Variants in CMTM7 observed in about 807,000 individuals in gnomAD.
CMTM7 encodes CKLF like MARVEL transmembrane domain containing 7, also known as CKLF-like MARVEL transmembrane domain-containing protein 7.
Under a neutral mutation model 19.3 loss-of-function variants are expected in CMTM7, and 7 were observed. The observed-to-expected ratio is 0.36, with a 90% CI of 0.21 to 0.68. The LOEUF (loss-of-function observed/expected upper bound fraction) is 0.68. Among genes scored for constraint, CMTM7 ranks in the 30% least tolerant of loss-of-function variants. The pLI is 0.60. For missense variants in CMTM7, 193 were observed against 232.6 expected, an observed-to-expected ratio of 0.83 and a Z score of 1.11; for synonymous variants, 87 against 99.3, an observed-to-expected ratio of 0.88 and a Z score of 0.74.
At position 32,442,026 on chromosome 3, in the gene CMTM7, T is replaced by G. The variant is rs994617278; in HGVS notation, c.333+13T>G. 1.9e-6 allele frequency: 3 copies of G among 1,612,990 alleles called. No homozygotes were observed. In the African/African-American group the frequency reaches 4.0e-5, roughly 22 times the overall value. ...CTGGCCCCTGTCGGTAAGAGAGTGG[T>G]CTGGCCCTGTCCTCCGCATGCACAA... On this transcript the variant is annotated intron_variant, in intron 2 of 4. Coordinates refer to ENST00000334983, the MANE Select transcript of CMTM7 (RefSeq NM_138410.4).
At chr3:32,415,893 A>C (rs1696252209) in intron 1 of CMTM7, among the ~76,000 whole-genome samples, 1 of 152,224 alleles carries the variant, frequency 6.6e-6, no homozygotes, top group Non-Finnish European at 1.5e-5. Context: ...CTGTGTCTGC[A>C]TGAGGAGAGA....
intron 2 of CMTM7, 136 bp downstream of exon 2, chr3:32,442,149 C>G (rs536157549): frequency 1.3e-6 from 1 of 787,542 alleles, no homozygotes; most frequent in Non-Finnish European, 2.0e-6. Context: ...CCCTGAATTT[C>G]CTATTGTTTG....
intron 1 of CMTM7, among the ~76,000 whole-genome samples, chr3:32,424,567 A>C (rs1426125767): frequency 2.0e-5 from 3 of 152,058 alleles, no homozygotes; most frequent in African/African-American, 7.2e-5. Flanking sequence ...AGGATTCAGA[A>C]TATCTGGTTG....
At chr3:32,415,118 T>C (rs368509646) in intron 1 of CMTM7, among the ~76,000 whole-genome samples, 24 of 152,146 alleles carry the variant, frequency 1.6e-4, no homozygotes, top group African/African-American at 4.8e-4. Context: ...TCAGACCCAC[T>C]GGATTAAAAA....
At chr3:32,414,839 C>G (rs1696235152) in intron 1 of CMTM7, among the ~76,000 whole-genome samples, 1 of 152,146 alleles carries the variant, frequency 6.6e-6, no homozygotes, top group Admixed American at 6.5e-5. Flanking sequence ...GAAGAGCTCT[C>G]TAAGTGGGGT....
At chr3:32,419,280 T>C (rs945785806) in intron 1 of CMTM7, among the ~76,000 whole-genome samples, 1 of 152,146 alleles carries the variant, frequency 6.6e-6, no homozygotes, top group Non-Finnish European at 1.5e-5. Flanking sequence ...TCTAAGGAGG[T>C]TTTTAGTAGA....
At chr3:32,435,396 T>G (rs1372023037) in intron 1 of CMTM7, among the ~76,000 whole-genome samples, 3 of 152,150 alleles carry the variant, frequency 2.0e-5, no homozygotes, top group East Asian at 3.8e-4. Context: ...TGGGAGAGAC[T>G]CCATCTCAAA....
At chr3:32,440,232 C>A (rs1696655521) in intron 1 of CMTM7, among the ~76,000 whole-genome samples, 2 of 151,884 alleles carry the variant, frequency 1.3e-5, no homozygotes, top group African/African-American at 2.4e-5. Context: ...CATGGTGGAA[C>A]CCCCTCTCTA....
In CMTM7 at chr3:32,449,805, T is replaced by A. The variant is rs1575127397; in HGVS notation, c.432+253T>A. ...GGCCTCTCTCTCTTACAGGCACTACTGAAATCAGGGGGCCAGGCGGGTTTT... is the reference window on the plus strand; with the variant it reads ...GGCCTCTCTCTCTTACAGGCACTACAGAAATCAGGGGGCCAGGCGGGTTTT... On this transcript the variant is annotated intron_variant, in intron 3 of 4. Coordinates refer to ENST00000334983, the MANE Select transcript of CMTM7 (RefSeq NM_138410.4). The surrounding 1 kb of genome is among the most constrained non-coding windows in gnomAD (Gnocchi z 4.5). Among the ~76,000 whole-genome samples, 1 of 152,154 alleles carries A rather than the reference T, an allele frequency of 6.6e-6. No individual in the cohort carries two copies. Among genetic ancestry groups the A allele is most frequent in the South Asian group, 2.1e-4 (1 of 4,828 alleles).
intron 2 of CMTM7, among the ~76,000 whole-genome samples, chr3:32,445,060 T>G (rs2125641811): frequency 6.6e-6 from 1 of 152,376 alleles, no homozygotes; most frequent in South Asian, 2.1e-4. Context: ...ATTTGTGTCC[T>G]CAACTGTGCT....
chr3:32,441,845 C>CCTG lies in CMTM7; in HGVS notation c.169_171dup (p.Leu57dup). The CCTG allele has an allele frequency of 6.2e-7, 1 of 1,613,878 alleles. No homozygotes were observed. Among genetic ancestry groups the CCTG allele is most frequent in the Non-Finnish European group, 8.5e-7 (1 of 1,179,848 alleles). The stretch of plus-strand genomic sequence containing the variant: ...TGTCTCTATTTATGTGGCAGGTCAC[C>CCTG]CTGCTGATTGCCTTCATCTGTGTGC... On this transcript the variant is annotated inframe_insertion, in exon 2 of 5. Transcript: ENST00000334983.
At chr3:32,448,390 T>A (rs1696782535) in intron 2 of CMTM7, among the ~76,000 whole-genome samples, 1 of 152,254 alleles carries the variant, frequency 6.6e-6, no homozygotes, top group South Asian at 2.1e-4. Flanking sequence ...TAAATTGGAA[T>A]GCTTTTCCAA....
In CMTM7 at chr3:32,396,131, G is replaced by A. The variant is rs567343483; in HGVS notation, c.159+4066G>A. On this transcript the variant is annotated intron_variant, in intron 1 of 4. Coordinates refer to ENST00000334983, the MANE Select transcript of CMTM7 (RefSeq NM_138410.4). ...TAGATTAGTGGTTGCCTAGGTCAGG[G>A]AGCAGGGGTTGAAAGGAAATGGGAC... is the stretch of plus-strand genomic sequence containing the variant. Among the ~76,000 whole-genome samples, 93 of 152,298 alleles carry A rather than the reference G, an allele frequency of 6.1e-4. No homozygotes were observed. The South Asian group carries it at 0.018, about 30-fold the overall frequency.
intron 2 of CMTM7, among the ~76,000 whole-genome samples, chr3:32,445,500 A>G (rs1254283280): frequency 1.3e-5 from 2 of 151,752 alleles, no homozygotes; most frequent in Non-Finnish European, 2.9e-5. Context: ...GGTGTCTTAC[A>G]TTGTTTTTTG....
intron 1 of CMTM7, among the ~76,000 whole-genome samples, chr3:32,435,265 G>C (rs111897332): frequency 6.6e-6 from 1 of 152,158 alleles, no homozygotes; most frequent in Non-Finnish European, 1.5e-5. Context: ...TTAGCCGGGC[G>C]TGGTGGTGCA....
At chr3:32,418,104 G>A (rs1238361627) in intron 1 of CMTM7, among the ~76,000 whole-genome samples, 1 of 152,148 alleles carries the variant, frequency 6.6e-6, no homozygotes, top group Non-Finnish European at 1.5e-5. Flanking sequence ...TTACAGTTGC[G>A]AGCCACCGCG....
chr3:32,398,989 C>A lies in CMTM7; in HGVS notation c.159+6924C>A, dbSNP rs560765051. On this transcript the variant is annotated intron_variant, in intron 1 of 4. Coordinates refer to ENST00000334983, the MANE Select transcript of CMTM7 (RefSeq NM_138410.4). ...AACAAGACCCTGTCCTCCCATCCCC[C>A]CAAAAAGAAAAGAAAGAGCACGGAC... Among the ~76,000 whole-genome samples the A allele has an allele frequency of 2.6e-5, 4 of 152,050 alleles. No homozygotes were observed. In the East Asian group the frequency reaches 7.7e-4, roughly 29 times the overall value.
At chr3:32,424,015 T>C (rs558792325) in intron 1 of CMTM7, among the ~76,000 whole-genome samples, 2 of 152,224 alleles carry the variant, frequency 1.3e-5, no homozygotes, top group Non-Finnish European at 2.9e-5. Flanking sequence ...ACTCAAAAAT[T>C]TAATGGTGTA....
At chr3:32,421,079 C>T (rs1217376366) in intron 1 of CMTM7, among the ~76,000 whole-genome samples, 2 of 151,806 alleles carry the variant, frequency 1.3e-5, no homozygotes, top group East Asian at 3.9e-4. Context: ...TCCCACCCAG[C>T]TCCTCTCCCT....
Sources: gnomAD v4.1 joint callset for allele counts (sites outside exome capture counted in the v4.1 genomes callset) on GRCh38, gnomAD v4.1.1 for gene constraint, Gnocchi (gnomAD v3.1) non-coding constraint, MANE v1.5 for transcripts, NCBI Gene and HGNC (gene_info 2026-07-23, HGNC 2026-07-21) for gene names.